The following SH3RF3 variants were observed in gnomAD, a reference collection of about 807,000 sequenced individuals.
SH3RF3 encodes the protein E3 ubiquitin-protein ligase SH3RF3.
Under a neutral mutation model 66.3 loss-of-function variants are expected in SH3RF3, and 29 were observed. The observed-to-expected ratio is 0.44, with a 90% CI of 0.33 to 0.60. The LOEUF is 0.60. SH3RF3 is among the 20% of genes least tolerant of loss of function. The probability of loss-of-function intolerance (pLI) is 0.04; values close to 1 mark genes in which losing one functional copy is unlikely to be tolerated. For missense variants in SH3RF3, 1,194 were observed against 1,190.9 expected, an observed-to-expected ratio of 1.00 and a Z score of -0.04; for synonymous variants, 583 against 532.0, an observed-to-expected ratio of 1.10 and a Z score of -1.32.
At position 109,324,580 on chromosome 2, in the gene SH3RF3, G is replaced by A. The variant is rs930717460; in HGVS notation, c.574-23094G>A. The stretch of plus-strand genomic sequence containing the variant: ...TTAATAGAAGGAAAACCAGGTTGAT[G>A]ATCTGTTGACTAATATTTGCAAAGT... On this transcript the variant is annotated intron_variant, in intron 1 of 9. Transcript: ENST00000309415. Among the ~76,000 whole-genome samples the A allele has an allele frequency of 3.9e-5, 6 of 152,206 alleles. No individual in the cohort carries two copies. The South Asian group carries it at 1.2e-3, about 32-fold the overall frequency.
chr2:109,268,851 G>A (rs1290904218), intron 1 of SH3RF3, among the ~76,000 whole-genome samples: 1 of 152,160 alleles, frequency 6.6e-6, no homozygotes, highest in African/African-American at 2.4e-5. Context: ...TGCCAGGTTG[G>A]GTGTATTCAA....
chr2:109,408,370 C>T (rs757572569), intron 4 of SH3RF3, among the ~76,000 whole-genome samples: 2 of 152,196 alleles, frequency 1.3e-5, no homozygotes, highest in Non-Finnish European at 2.9e-5. Context: ...GAGCTAAGAA[C>T]CTTCTCCACC....
At chr2:109,374,825 C>T (rs1032688170) in intron 3 of SH3RF3, among the ~76,000 whole-genome samples, 1 of 152,222 alleles carries the variant, frequency 6.6e-6, no homozygotes, top group Non-Finnish European at 1.5e-5. Flanking sequence ...TCTCACCTCG[C>T]CTGGCCTCAC....
intron 1 of SH3RF3, among the ~76,000 whole-genome samples, chr2:109,216,854 C>A (rs549140413): frequency 1.3e-5 from 2 of 152,332 alleles, no homozygotes; most frequent in Admixed American, 6.5e-5. Flanking sequence ...TAAGCACATT[C>A]TCATTGTTGT....
chr2:109,468,018 GA>G (rs2104711706), intron 8 of SH3RF3, among the ~76,000 whole-genome samples: 1 of 152,342 alleles, frequency 6.6e-6, no homozygotes, highest in Non-Finnish European at 1.5e-5. Context: ...TTTCAGCCCA[GA>G]AGTGACACAC....
At chr2:109,466,675 A>G (rs917624787) in intron 8 of SH3RF3, among the ~76,000 whole-genome samples, 3 of 152,052 alleles carry the variant, frequency 2.0e-5, no homozygotes, top group Non-Finnish European at 4.4e-5. Flanking sequence ...AGATTTTTCC[A>G]TATGTTATCT....
chr2:109,452,890 AGGAGGCTGGTCCCG>A (rs1193354148), intron 8 of SH3RF3, among the ~76,000 whole-genome samples: 8 of 94,728 alleles, frequency 8.4e-5, no homozygotes, highest in East Asian at 6.2e-4. Flanking sequence ...GGCTGGTCCC[AGGAGGCTGGTCCCG>A]GGAGGCTGGT....
intron 1 of SH3RF3, among the ~76,000 whole-genome samples, chr2:109,253,255 G>T (rs1680138057): frequency 6.6e-6 from 1 of 152,172 alleles, no homozygotes; most frequent in African/African-American, 2.4e-5. Flanking sequence ...CTGACCTGAA[G>T]TGATCCGCCT....
intron 1 of SH3RF3, among the ~76,000 whole-genome samples, chr2:109,340,520 C>T (rs1318991589): frequency 6.6e-6 from 1 of 152,188 alleles, no homozygotes; most frequent in Non-Finnish European, 1.5e-5. Flanking sequence ...AGGGGCGGTC[C>T]TCAGTTCTCC....
At chr2:109,199,621 A>ATCAACCCAAG (rs1678608328) in intron 1 of SH3RF3, among the ~76,000 whole-genome samples, 1 of 84 alleles carries the variant, frequency 0.012, no homozygotes, top group Non-Finnish European at 0.022. Context: ...ATGGAATGGA[A>ATCAACCCAAG]TGGAATGGAA....
rs114869161 is a variant in SH3RF3 at position 109,287,483 on chromosome 2, C to T, written c.574-60191C>T. On this transcript the variant is annotated intron_variant, in intron 1 of 9. Coordinates refer to ENST00000309415, the MANE Select transcript of SH3RF3 (RefSeq NM_001099289.3). ...TGAGATACCTAAGAGAGATACCTCC[C>T]TTCTGAGAGCACCAGGTTGGGACAC... Among the ~76,000 whole-genome samples, 1,393 of 152,298 alleles carry T rather than the reference C, an allele frequency of 9.1e-3. 23 individuals are homozygous for T. The highest frequency in any genetic ancestry group is 0.032 in the African/African-American group (1,323 of 41,564).
At chr2:109,153,064 C>G (rs1677259141) in intron 1 of SH3RF3, among the ~76,000 whole-genome samples, 1 of 152,118 alleles carries the variant, frequency 6.6e-6, no homozygotes, top group Non-Finnish European at 1.5e-5. Context: ...GGACCATCTG[C>G]AAAGACAAGA....
intron 1 of SH3RF3, among the ~76,000 whole-genome samples, chr2:109,273,647 A>G (rs1392496797): frequency 6.6e-6 from 1 of 152,192 alleles, no homozygotes; most frequent in African/African-American, 2.4e-5. Flanking sequence ...TCATATGATG[A>G]TAGACATTAA....
intron 1 of SH3RF3, among the ~76,000 whole-genome samples, chr2:109,170,254 C>CTTCTCTTCTCTTCTT (rs1558938155): frequency 6.4e-5 from 1 of 15,552 alleles, no homozygotes; most frequent in African/African-American, 1.5e-4. Flanking sequence ...TTTCTCTTCT[C>CTTCTCTTCTCTTCTT]TTCTCTTCTC....
At chr2:109,134,367 A>T (rs921814992) in intron 1 of SH3RF3, among the ~76,000 whole-genome samples, 1 of 152,198 alleles carries the variant, frequency 6.6e-6, no homozygotes, top group Non-Finnish European at 1.5e-5. Flanking sequence ...CAAAAACCAG[A>T]CAGCTCACAA....
chr2:109,438,569 C>T (rs12328017), intron 7 of SH3RF3, among the ~76,000 whole-genome samples: 102,271 of 152,052 alleles, frequency 0.67, 34,775 homozygotes, highest in African/African-American at 0.74. Flanking sequence ...TTACTTAAAT[C>T]AGCTAAGAAT....
chr2:109,182,139 C>T (rs1678088211), intron 1 of SH3RF3, among the ~76,000 whole-genome samples: 2 of 152,196 alleles, frequency 1.3e-5, no homozygotes, highest in South Asian at 2.1e-4. Context: ...TTTTCTGCTG[C>T]TATAGAAGAA....
At position 109,166,459 on chromosome 2, in the gene SH3RF3, G is replaced by GAAAAAAAAA. The variant is rs386390872; in HGVS notation, c.573+36353_573+36361dup. Among the ~76,000 whole-genome samples the GAAAAAAAAA allele has an allele frequency of 3.7e-5, 5 of 134,294 alleles. 1 individual carries two copies. The highest frequency in any genetic ancestry group is 1.5e-4 in the Admixed American group (2 of 13,164). The allele number at this position is 134,294 out of a possible 152,430, so 88.1% of individuals were successfully genotyped here. On this transcript the variant is annotated intron_variant, in intron 1 of 9. Transcript: ENST00000309415. ...GCCACTGTACTCCAGCCTGGTGACA[G>GAAAAAAAAA]AAAAAAAAAAAAAAAGAAAGAAAGA...
chr2:109,402,767 G>C (rs1427935035), intron 4 of SH3RF3, among the ~76,000 whole-genome samples: 11 of 152,202 alleles, frequency 7.2e-5, no homozygotes, highest in African/African-American at 2.2e-4. Context: ...TGGGCCATGG[G>C]GGGCAGAGGA....
Sources: allele counts gnomAD v4.1 joint callset (sites outside exome capture counted in the v4.1 genomes callset), GRCh38; gene constraint gnomAD v4.1.1; transcripts MANE v1.5; gene names NCBI Gene and HGNC (gene_info 2026-07-23, HGNC 2026-07-21).